Variants in BEND7 observed in about 807,000 individuals in gnomAD.
BEND7 encodes BEN domain-containing protein 7.
Under a neutral mutation model 50.9 loss-of-function variants are expected in BEND7, and 28 were observed. The observed-to-expected ratio is 0.55, with a 90% CI of 0.41 to 0.75. BEND7 has a LOEUF of 0.75. Ranked by LOEUF, BEND7 falls within the 30% of genes least tolerant of loss-of-function variation. The pLI is 0.00. For missense variants in BEND7, 477 were observed against 491.3 expected (o/e 0.97, Z 0.28); for synonymous variants, 170 against 183.9 (o/e 0.92, Z 0.61).
chr10:13,480,768 T>C (rs753531654), intron 6 of BEND7, 131 bp downstream of exon 6: 113 of 1,495,694 alleles, frequency 7.6e-5, no homozygotes, highest in Admixed American at 1.6e-4. Context: ...CCGAAAGCCA[T>C]GTGAATGGCT....
chr10:13,462,212 T>C (rs1840350470), intron 6 of BEND7, among the ~76,000 whole-genome samples: 1 of 152,182 alleles, frequency 6.6e-6, no homozygotes, highest in African/African-American at 2.4e-5. Flanking sequence ...AATAAAGACA[T>C]ACCCGAGACT....
downstream of BEND7, chr10:13,439,546 C>T: frequency 6.6e-7 from 1 of 1,515,296 alleles, no homozygotes; most frequent in Non-Finnish European, 8.9e-7. Context: ...GAGTAACTCA[C>T]CTGTCTCCTC....
chr10:13,487,014 C>T (rs908881261), intron 5 of BEND7, among the ~76,000 whole-genome samples: 3 of 152,204 alleles, frequency 2.0e-5, no homozygotes, highest in African/African-American at 7.2e-5. Flanking sequence ...CCACAGCTGA[C>T]GTCCTATGCT....
chr10:13,439,798 G>A (rs1279171301), downstream of BEND7, among the ~76,000 whole-genome samples: 1 of 152,210 alleles, frequency 6.6e-6, no homozygotes, highest in African/African-American at 2.4e-5. Flanking sequence ...ATCGACCTAA[G>A]ATAGGACTCC....
rs558195570 is a variant in BEND7, at chr10:13,479,197, C to T, written c.1063+1702G>A. ...AATTTTTTTTAATTTTTAGTAGAGACGGGGTTTCACCATGTTGGCCAGGCT... is the reference window on the plus strand; with the variant it reads ...AATTTTTTTTAATTTTTAGTAGAGATGGGGTTTCACCATGTTGGCCAGGCT... On this transcript the variant is annotated intron_variant, in intron 6 of 8. Transcript: ENST00000466271. 2.0e-4 allele frequency among the ~76,000 whole-genome samples: 30 copies of T among 151,864 alleles called. No individual in the cohort carries two copies. In the East Asian group the frequency reaches 2.9e-3, roughly 15 times the overall value.
intron 7 of BEND7, among the ~76,000 whole-genome samples, chr10:13,447,631 C>T (rs1199147514): frequency 6.6e-6 from 1 of 150,542 alleles, no homozygotes; most frequent in Non-Finnish European, 1.5e-5. Context: ...ACAAGCTCCG[C>T]CTCCCGGGTT....
chr10:13,474,034 T>C (rs917528333), intron 6 of BEND7, among the ~76,000 whole-genome samples: 3 of 150,940 alleles, frequency 2.0e-5, no homozygotes, highest in Non-Finnish European at 4.4e-5. Context: ...GGGGCTGATA[T>C]CCATTATCGC....
chr10:13,470,354 T>C (rs2074689891), intron 6 of BEND7, among the ~76,000 whole-genome samples: 3 of 152,222 alleles, frequency 2.0e-5, no homozygotes, highest in African/African-American at 7.2e-5. Flanking sequence ...TGGTGTGCAA[T>C]GCACATTCTA....
chr10:13,499,772 C>G lies in BEND7; in HGVS notation c.448+6G>C. On this transcript the variant is annotated splice_donor_region_variant and intron_variant, in intron 3 of 8. Transcript: ENST00000466271. ...GAGCCTTCTGAATGTTTGTTGACAA[C>G]CATACCATTGGAGCTCGTGGTAGGG... The G allele has an allele frequency of 6.3e-7, 1 of 1,594,884 alleles. No individual in the cohort carries two copies. The highest frequency in any genetic ancestry group is 2.3e-5 in the East Asian group (1 of 44,428).
In BEND7 at chr10:13,528,456, C is replaced by A. The variant is rs1192370480; in HGVS notation, c.61+17G>T. The A allele has an allele frequency of 6.6e-5, 67 of 1,012,382 alleles. No homozygotes were observed. Among genetic ancestry groups the A allele is most frequent in the Non-Finnish European group, 7.6e-5 (65 of 850,084 alleles). 62.7% of individuals were successfully genotyped at this position (1,012,382 alleles called of 1,614,324 possible). On this transcript the variant is annotated intron_variant, in intron 1 of 8. Coordinates refer to ENST00000466271, the MANE Select transcript of BEND7 (RefSeq NM_001369863.1). Reference sequence around the variant, plus strand: ...CGGCGCCCGCTGCCTGCCCCCGCCGCCCCGGCGGCCGCTTACCTCGGCTCA... The same window carrying A: ...CGGCGCCCGCTGCCTGCCCCCGCCGACCCGGCGGCCGCTTACCTCGGCTCA...
chr10:13,462,745 AAG>A (rs2073837171), intron 6 of BEND7, among the ~76,000 whole-genome samples: 2 of 152,208 alleles, frequency 1.3e-5, no homozygotes, highest in Non-Finnish European at 1.5e-5. Context: ...AAGGAGAGGA[AAG>A]AGAGAGTAGA....
intron 6 of BEND7, among the ~76,000 whole-genome samples, chr10:13,468,671 T>G (rs891891853): frequency 1.3e-5 from 2 of 152,128 alleles, no homozygotes; most frequent in African/African-American, 4.8e-5. Context: ...GACAGAGTGA[T>G]GCACAGCTGG....
intron 2 of BEND7, among the ~76,000 whole-genome samples, chr10:13,503,953 T>A (rs551601074): frequency 6.6e-6 from 1 of 152,224 alleles, no homozygotes; most frequent in African/African-American, 2.4e-5. Flanking sequence ...GCTGAGCAGG[T>A]CACCCCTGCA....
At chr10:13,519,308 T>TA (rs897525752) in intron 2 of BEND7, among the ~76,000 whole-genome samples, 19 of 151,512 alleles carry the variant, frequency 1.3e-4, no homozygotes, top group Non-Finnish European at 2.4e-4. Flanking sequence ...CCGTCTCTAC[T>TA]AAAAAAAATA....
chr10:13,447,215 G>A, intron 8 of BEND7, 51 bp downstream of exon 8: 1 of 1,586,556 alleles, frequency 6.3e-7, no homozygotes, highest in African/African-American at 1.3e-5. Flanking sequence ...AAATAGTTTT[G>A]TGGGCTGTAT....
At chr10:13,442,000 C>T in intron 8 of BEND7, 1 of 501,200 alleles carries the variant, frequency 2.0e-6, no homozygotes. Flanking sequence ...TGATGACTGG[C>T]TGGTCTTTGG....
chr10:13,478,957 A>G (rs1044306065), intron 6 of BEND7, among the ~76,000 whole-genome samples: 1 of 152,008 alleles, frequency 6.6e-6, no homozygotes, highest in Non-Finnish European at 1.5e-5. Flanking sequence ...CCATTTTTAT[A>G]GAGTACAGCA....
Position 13,528,515 on chromosome 10 carries a change from T to C in BEND7, c.19A>G (p.Lys7Glu). MEFSER[K>E]RSRKSQSFKL... is the part of the protein sequence containing the mutation. ...AAGCTCTGGGATTTCCTGCTTCTTT[T>C]CCTCTCGGAGAACTCCATGGTGCGG... The change falls in exon 1 of 9, where the codon AAA becomes GAA. Residue 7 changes from lysine (K) to glutamate (E), a missense_variant. Lys to Glu is a moderately conservative substitution (Grantham distance 56). Coordinates refer to ENST00000466271, the MANE Select transcript of BEND7 (RefSeq NM_001369863.1). The C allele has an allele frequency of 1.9e-6, 2 of 1,038,380 alleles. No individual in the cohort carries two copies. Among genetic ancestry groups the C allele is most frequent in the South Asian group, 3.2e-5 (1 of 31,180 alleles). The allele number at this position is 1,038,380 out of a possible 1,614,324, so 64.3% of individuals were successfully genotyped here.
chr10:13,499,713 A>G (rs753327297), intron 3 of BEND7, 65 bp downstream of exon 3: 54 of 1,405,566 alleles, frequency 3.8e-5, no homozygotes, highest in Non-Finnish European at 5.0e-5. Context: ...AACACACTGA[A>G]TATTTAGAAA....
Sources: gnomAD v4.1 joint callset for allele counts (sites outside exome capture counted in the v4.1 genomes callset) on GRCh38, gnomAD v4.1.1 for gene constraint, MANE v1.5 for transcripts, NCBI Gene and HGNC (gene_info 2026-07-23, HGNC 2026-07-21) for gene names.